The following DLC1 variants were observed in gnomAD, a reference collection of about 807,000 sequenced individuals.
The protein encoded by DLC1 is rho GTPase-activating protein 7.
Under a neutral mutation model 140.3 loss-of-function variants are expected in DLC1, and 54 were observed. The observed-to-expected ratio is 0.38, with a 90% CI of 0.31 to 0.48. The LOEUF (loss-of-function observed/expected upper bound fraction) is 0.48. Among genes scored for constraint, DLC1 ranks in the 20% least tolerant of loss-of-function variants. The pLI is 0.96. For synonymous variants in DLC1, 986 were observed against 728.1 expected (o/e 1.35, Z -5.70); for missense variants, 2,536 against 1,907.0 (o/e 1.33, Z -6.14).
intron 17 of DLC1, 109 bp downstream of exon 17, chr8:13,086,181 T>A: frequency 6.9e-7 from 1 of 1,441,020 alleles, no homozygotes; most frequent in Non-Finnish European, 9.3e-7. Context: ...CTTCATGAAG[T>A]CACCAAGAAA....
chr8:13,220,366 G>C (rs907987988), intron 5 of DLC1, among the ~76,000 whole-genome samples: 2 of 152,210 alleles, frequency 1.3e-5, no homozygotes, highest in Admixed American at 1.3e-4. Flanking sequence ...ATAGAAACTT[G>C]AGCAGCCTGG....
intron 5 of DLC1, among the ~76,000 whole-genome samples, chr8:13,262,121 A>C (rs1488332975): frequency 2.0e-5 from 3 of 152,138 alleles, no homozygotes; most frequent in African/African-American, 7.2e-5. Context: ...GTGAGTTCTA[A>C]ATGTCACATT....
intron 7 of DLC1, among the ~76,000 whole-genome samples, chr8:13,108,511 TA>T (rs1257433554): frequency 2.0e-5 from 3 of 152,220 alleles, no homozygotes; most frequent in Non-Finnish European, 4.4e-5. Flanking sequence ...AGAGCCAGTG[TA>T]AATTGCAAAG....
chr8:13,590,731 T>G (rs1188325553), intron 1 of DLC1, among the ~76,000 whole-genome samples: 1 of 152,142 alleles, frequency 6.6e-6, no homozygotes, highest in African/African-American at 2.4e-5. Flanking sequence ...TAGCAGTGAT[T>G]TTAAATAGCT....
chr8:13,422,441 A>G (rs945840192), intron 2 of DLC1, among the ~76,000 whole-genome samples: 1 of 152,016 alleles, frequency 6.6e-6, no homozygotes, highest in Non-Finnish European at 1.5e-5. Context: ...TGTCTACATA[A>G]TATAGTAATA....
intron 4 of DLC1, among the ~76,000 whole-genome samples, chr8:13,363,937 T>A (rs796145236): frequency 2.0e-5 from 3 of 152,218 alleles, no homozygotes; most frequent in African/African-American, 7.2e-5. Flanking sequence ...CTTAACTCTT[T>A]CTACGCTCTA....
intron 2 of DLC1, among the ~76,000 whole-genome samples, chr8:13,455,071 ATTAG>A (rs1356854346): frequency 6.6e-6 from 1 of 152,210 alleles, no homozygotes; most frequent in Non-Finnish European, 1.5e-5. Context: ...GAGTAAATAA[ATTAG>A]TTAGATAAGA....
chr8:13,446,738 C>T (rs754690197), intron 2 of DLC1, among the ~76,000 whole-genome samples: 11 of 151,934 alleles, frequency 7.2e-5, no homozygotes, highest in Non-Finnish European at 1.0e-4. Flanking sequence ...GTCAGGAGTT[C>T]GAGACCAGCC....
rs1186396011 is a variant in DLC1, at chr8:13,085,731, CAG to C, written c.*78_*79del. Reference sequence around the variant, plus strand: ...GTTTTCTTTGTTTCAGGATTAGACACAGAACCCATTCTTCAAGGACTGGCAAA... The same window carrying C: ...GTTTTCTTTGTTTCAGGATTAGACACAACCCATTCTTCAAGGACTGGCAAA... On this transcript the variant is annotated 3_prime_UTR_variant, in exon 18 of 18. Transcript: ENST00000276297. The C allele has an allele frequency of 2.5e-6, 4 of 1,594,844 alleles. No homozygotes were observed. Among genetic ancestry groups the C allele is most frequent in the Non-Finnish European group, 3.4e-6 (4 of 1,169,950 alleles).
intron 4 of DLC1, among the ~76,000 whole-genome samples, chr8:13,383,965 T>C (rs1170765348): frequency 1.3e-5 from 2 of 152,218 alleles, no homozygotes; most frequent in Admixed American, 1.3e-4. Context: ...TGAGATTAGC[T>C]GCATAACAAC....
chr8:13,093,262 T>C (rs938437377), intron 12 of DLC1, among the ~76,000 whole-genome samples: 1 of 152,172 alleles, frequency 6.6e-6, no homozygotes, highest in African/African-American at 2.4e-5. Flanking sequence ...AGAACAGAGA[T>C]CTCTCAGCCT....
chr8:13,250,126 C>A (rs977741622), intron 5 of DLC1, among the ~76,000 whole-genome samples: 2 of 152,222 alleles, frequency 1.3e-5, no homozygotes, highest in African/African-American at 2.4e-5. Flanking sequence ...ATCCCTGGAA[C>A]ATGGAATAGG....
intron 5 of DLC1, among the ~76,000 whole-genome samples, chr8:13,293,706 T>C (rs1831846259): frequency 6.6e-6 from 1 of 152,070 alleles, no homozygotes; most frequent in African/African-American, 2.4e-5. Context: ...CCATAATAAA[T>C]ATACCAACAA....
chr8:13,113,104 G>A (rs1240799588), intron 6 of DLC1, among the ~76,000 whole-genome samples: 4 of 152,158 alleles, frequency 2.6e-5, no homozygotes, highest in African/African-American at 4.8e-5. Flanking sequence ...TGCAAGTGAG[G>A]AGTGTAAGAA....
chr8:13,264,963 T>C (rs1247554300), intron 5 of DLC1, among the ~76,000 whole-genome samples: 1 of 152,232 alleles, frequency 6.6e-6, no homozygotes, highest in Non-Finnish European at 1.5e-5. Context: ...AATTAGTACA[T>C]ACTTCAGTCT....
chr8:13,457,444 C>A (rs530621102), intron 2 of DLC1, among the ~76,000 whole-genome samples: 3 of 151,730 alleles, frequency 2.0e-5, no homozygotes, highest in Non-Finnish European at 4.4e-5. Flanking sequence ...TTTGAGAGGC[C>A]GAGGCAGGCA....
At chr8:13,162,821 C>T (rs2116882576) in intron 5 of DLC1, among the ~76,000 whole-genome samples, 1 of 152,302 alleles carries the variant, frequency 6.6e-6, no homozygotes, top group African/African-American at 2.4e-5. Flanking sequence ...TGTCATGCTC[C>T]TGTATTCCTA....
intron 2 of DLC1, among the ~76,000 whole-genome samples, chr8:13,439,946 T>A (rs2116915702): frequency 6.6e-6 from 1 of 152,272 alleles, no homozygotes; most frequent in South Asian, 2.1e-4. Context: ...CCTTAGAGCA[T>A]CTTCCCAGCA....
intron 2 of DLC1, among the ~76,000 whole-genome samples, chr8:13,473,289 G>A (rs537239404): frequency 7.9e-5 from 12 of 152,208 alleles, no homozygotes; most frequent in East Asian, 1.9e-4. Flanking sequence ...GGAAGGACCT[G>A]GTGGGAGGTA....
Sources: gnomAD v4.1 joint callset for allele counts (sites outside exome capture counted in the v4.1 genomes callset) on GRCh38, gnomAD v4.1.1 for gene constraint, MANE v1.5 for transcripts, NCBI Gene and HGNC (gene_info 2026-07-23, HGNC 2026-07-21) for gene names.